Variants in STAG2 observed in about 807,000 individuals in gnomAD.
STAG2 encodes cohesin subunit SA-2.
Under a neutral mutation model 108.1 loss-of-function variants are expected in STAG2, and 14 were observed. That is an observed-to-expected ratio of 0.13 (90% CI 0.09 to 0.20). STAG2 has a LOEUF of 0.20. Among genes scored for constraint, STAG2 ranks in the 10% least tolerant of loss-of-function variants. The pLI is 1.00. For missense variants in STAG2, 440 were observed against 940.9 expected, an observed-to-expected ratio of 0.47 and a Z score of 6.96; for synonymous variants, 307 against 302.7, an observed-to-expected ratio of 1.01 and a Z score of -0.15.
chrX:123,982,361 A>G (rs377269661), intron 1 of STAG2, among the ~76,000 whole-genome samples: 2 of 110,244 alleles, frequency 1.8e-5, no homozygotes, highest in African/African-American at 6.6e-5. Flanking sequence ...TGCATCCAGA[A>G]TTTACTTTTT....
At chrX:123,991,889 C>G (rs2055497344) in intron 1 of STAG2, among the ~76,000 whole-genome samples, 1 of 112,341 alleles carries the variant, frequency 8.9e-6, no homozygotes, top group South Asian at 3.6e-4. Flanking sequence ...GTCTCGAACT[C>G]CCAACCTCAG....
intron 5 of STAG2, among the ~76,000 whole-genome samples, chrX:124,031,390 C>T (rs192389906): frequency 2.8e-5 from 3 of 107,632 alleles, no homozygotes; most frequent in East Asian, 2.9e-4. Context: ...GACAGAGTCT[C>T]GCTCTGTTGC....
At chrX:123,969,952 GTTTTTTTTTTTTTT>G (rs749744551) in intron 1 of STAG2, among the ~76,000 whole-genome samples, 600 of 39,172 alleles carry the variant, frequency 0.015, 15 homozygotes, top group African/African-American at 0.06. Context: ...CGGTCTTCCT[GTTTTTTTTTTTTTT>G]TTTTTTTTTT....
At chrX:124,063,827 A>G (rs763963930) in intron 19 of STAG2, 21 bp from the exon 20 acceptor site, 1 of 1,192,112 alleles carries the variant, frequency 8.4e-7, no homozygotes, top group East Asian at 3.0e-5. Context: ...AGTTTTGATG[A>G]AAAATATTAT....
chrX:124,046,496 C>A lies in STAG2; in HGVS notation c.668-858C>A, dbSNP rs528168204. Among the ~76,000 whole-genome samples, 5 of 111,837 alleles carry A rather than the reference C, an allele frequency of 4.5e-5. No homozygotes were observed. The South Asian group carries it at 1.8e-3, about 41-fold the overall frequency. On this transcript the variant is annotated intron_variant, in intron 8 of 34. Coordinates refer to ENST00000371145, the MANE Select transcript of STAG2 (RefSeq NM_001042750.2). Reference sequence around the variant, plus strand: ...CTGGGAGCATGAAATTAACTTAGAGCAGAAAATTGGGAAATCTTTCTTTAA... The same window carrying A: ...CTGGGAGCATGAAATTAACTTAGAGAAGAAAATTGGGAAATCTTTCTTTAA...
Position 124,041,466 on chromosome X carries a change from C to T in STAG2, c.386-1103C>T, listed in dbSNP as rs528203416. Among the ~76,000 whole-genome samples, 12 of 110,347 alleles carry T rather than the reference C, an allele frequency of 1.1e-4. No homozygotes were observed. The South Asian group carries it at 4.3e-3, about 39-fold the overall frequency. ...ATGCATGCATATACAAAATATTGCT[C>T]TGGTCAATTGAAAAAAATCTATGTT... On this transcript the variant is annotated intron_variant, in intron 6 of 34. Transcript: ENST00000371145.
intron 6 of STAG2, among the ~76,000 whole-genome samples, chrX:124,040,848 TTCTC>T (rs1162853500): frequency 5.9e-5 from 6 of 101,931 alleles, no homozygotes; most frequent in African/African-American, 1.4e-4. Context: ...TCTTCTCCTC[TTCTC>T]TCTTTTTTTT....
intron 9 of STAG2, among the ~76,000 whole-genome samples, chrX:124,048,618 CG>C (rs2148204793): frequency 9.0e-6 from 1 of 110,860 alleles, no homozygotes; most frequent in South Asian, 3.8e-4. Flanking sequence ...TTAGTAGAGT[CG>C]GGGTTTTGCC....
intron 30 of STAG2, among the ~76,000 whole-genome samples, chrX:124,089,131 G>A (rs752768232): frequency 9.4e-6 from 1 of 106,323 alleles, no homozygotes; most frequent in East Asian, 3.0e-4. Context: ...TGCCAGGCTC[G>A]AACTCCTGAC....
At chrX:124,086,417 A>G (rs2059108485) in intron 29 of STAG2, 130 bp from the exon 30 acceptor site, 8 of 478,378 alleles carry the variant, frequency 1.7e-5, no homozygotes, top group Non-Finnish European at 2.8e-5. Flanking sequence ...GGCAGAGACA[A>G]CATTGTTCAT....
chrX:123,972,185 C>A (rs1406084406), intron 1 of STAG2, among the ~76,000 whole-genome samples: 2 of 106,907 alleles, frequency 1.9e-5, no homozygotes, highest in East Asian at 5.8e-4. Context: ...TGTTTTCATA[C>A]TTGGCTATTT....
chrX:123,985,414 A>G (rs776287699), intron 1 of STAG2, among the ~76,000 whole-genome samples: 69 of 109,762 alleles, frequency 6.3e-4, no homozygotes, highest in Non-Finnish European at 1.1e-3. Context: ...TATTTTTTGT[A>G]GAGATGGCGT....
chrX:124,081,115 A>G (rs2058949806), intron 27 of STAG2, among the ~76,000 whole-genome samples: 1 of 110,994 alleles, frequency 9.0e-6, no homozygotes, highest in South Asian at 3.7e-4. Flanking sequence ...ATATTTTTAT[A>G]TGCTATGTTA....
intron 1 of STAG2, among the ~76,000 whole-genome samples, chrX:124,006,443 T>G: frequency 9.8e-6 from 1 of 102,083 alleles, no homozygotes; most frequent in Non-Finnish European, 2.0e-5. Flanking sequence ...ACTATTTTTT[T>G]TTTTTTTTTT....
At chrX:124,025,797 A>G in intron 3 of STAG2, 43 bp from the exon 4 acceptor site, 5 of 979,871 alleles carry the variant, frequency 5.1e-6, no homozygotes, top group Non-Finnish European at 7.0e-6. Flanking sequence ...AACTCAATAT[A>G]AATTTCTAAG....
intron 7 of STAG2, among the ~76,000 whole-genome samples, chrX:124,044,713 G>A (rs2057825914): frequency 1.8e-5 from 2 of 111,959 alleles, no homozygotes; most frequent in South Asian, 7.3e-4. Flanking sequence ...ACTGTGTGAT[G>A]TATTTGAAGC....
intron 34 of STAG2, chrX:124,097,636 G>T: frequency 3.3e-6 from 1 of 304,525 alleles, no homozygotes; most frequent in Admixed American, 3.2e-5. Flanking sequence ...TTGGGTGACA[G>T]ACACTGTGCT....
chrX:124,084,293 G>C (rs914940214), intron 29 of STAG2, among the ~76,000 whole-genome samples: 1 of 110,662 alleles, frequency 9.0e-6, no homozygotes, highest in South Asian at 3.8e-4. Flanking sequence ...TACTTCTAGT[G>C]TTGGAGAGTT....
chrX:123,962,447 T>C (rs1482318978), intron 1 of STAG2, among the ~76,000 whole-genome samples: 1 of 111,692 alleles, frequency 9.0e-6, no homozygotes, highest in Admixed American at 9.6e-5. Context: ...ATATGTCATT[T>C]TATTTTTAAT....
Sources: gnomAD v4.1 joint callset for allele counts (sites outside exome capture counted in the v4.1 genomes callset) on GRCh38, gnomAD v4.1.1 for gene constraint, MANE v1.5 for transcripts, NCBI Gene and HGNC (gene_info 2026-07-23, HGNC 2026-07-21) for gene names.